Variants in TUSC3 observed in about 807,000 individuals in gnomAD.
The protein encoded by TUSC3 is dolichyl-diphosphooligosaccharide--protein glycosyltransferase subunit TUSC3.
In TUSC3, 45 loss-of-function variants were observed where a neutral mutation model predicts 44.8. The observed-to-expected ratio is 1.00, with a 90% confidence interval of 0.79 to 1.29. The LOEUF (loss-of-function observed/expected upper bound fraction) is 1.29. TUSC3 is among the 50% of genes most tolerant of loss of function. The pLI, the probability that TUSC3 is intolerant of heterozygous loss-of-function variation, is 0.00. For synonymous variants in TUSC3, 212 were observed against 152.9 expected, an observed-to-expected ratio of 1.39 and a Z score of -2.85; for missense variants, 519 against 437.9, an observed-to-expected ratio of 1.19 and a Z score of -1.65.
the TUSC3 span, among the ~76,000 whole-genome samples, chr8:15,774,579 G>C: frequency 6.6e-6 from 1 of 152,126 alleles, no homozygotes; most frequent in African/African-American, 2.4e-5. Context: ...TTAGTCTCCA[G>C]AACATTAAGA....
At chr8:15,461,695 T>C (rs2129121948) in intron 1 of TUSC3, among the ~76,000 whole-genome samples, 1 of 151,802 alleles carries the variant, frequency 6.6e-6, no homozygotes, top group East Asian at 1.9e-4. Context: ...TTTATTACAT[T>C]GAGTTACGTC....
chr8:15,694,863 A>C (rs1487472966), intron 6 of TUSC3, among the ~76,000 whole-genome samples: 1 of 152,186 alleles, frequency 6.6e-6, no homozygotes, highest in African/African-American at 2.4e-5. Flanking sequence ...AAAATGCTTC[A>C]TAGGAAGGTG....
At chr8:15,611,805 C>T (rs1804773653) in intron 1 of TUSC3, among the ~76,000 whole-genome samples, 1 of 152,002 alleles carries the variant, frequency 6.6e-6, no homozygotes, top group Non-Finnish European at 1.5e-5. Flanking sequence ...GCATTAATTG[C>T]CCTTTATATA....
chr8:15,486,204 T>C (rs1800730461), intron 2 of TUSC3, among the ~76,000 whole-genome samples: 1 of 152,214 alleles, frequency 6.6e-6, no homozygotes, highest in Non-Finnish European at 1.5e-5. Flanking sequence ...TTGTTATTTA[T>C]GCAGCTATTT....
chr8:15,581,968 G>T (rs1803369792), intron 1 of TUSC3, among the ~76,000 whole-genome samples: 1 of 151,140 alleles, frequency 6.6e-6, no homozygotes. Context: ...GAGATTCCGT[G>T]GGCGTAGGAC....
chr8:15,631,247 T>C (rs181222994), intron 2 of TUSC3, among the ~76,000 whole-genome samples: 34 of 152,328 alleles, frequency 2.2e-4, no homozygotes, highest in African/African-American at 6.7e-4. Context: ...TCTTATTTTT[T>C]ACATTGAAGG....
chr8:15,474,441 C>A (rs1800547771), intron 1 of TUSC3, among the ~76,000 whole-genome samples: 1 of 152,146 alleles, frequency 6.6e-6, no homozygotes, highest in Non-Finnish European at 1.5e-5. Context: ...TCCATGAAAT[C>A]TTCACAATTT....
intron 7 of TUSC3, among the ~76,000 whole-genome samples, chr8:15,731,928 G>T (rs1410081377): frequency 6.6e-6 from 1 of 152,072 alleles, no homozygotes; most frequent in Non-Finnish European, 1.5e-5. Flanking sequence ...TAGTGATTAC[G>T]GTATGGTGGG....
Position 15,476,387 on chromosome 8 carries a change from C to T in TUSC3, n.92-6999C>T, listed in dbSNP as rs185492656. The stretch of plus-strand genomic sequence containing the variant: ...GGTTTAAAGGATGTGCTGACTTTAA[C>T]ATACTTTTGGTCTTTTTATTTATCA... On this transcript the variant is annotated intron_variant and non_coding_transcript_variant, in intron 1 of 5. Transcript: ENST00000503191. Among the ~76,000 whole-genome samples the T allele has an allele frequency of 3.0e-3, 458 of 152,276 alleles. 3 individuals carry two copies. Among genetic ancestry groups the T allele is most frequent in the Non-Finnish European group, 4.9e-3 (336 of 68,020 alleles).
At chr8:15,658,639 T>TAC (rs57739356) in intron 3 of TUSC3, among the ~76,000 whole-genome samples, 2,492 of 148,616 alleles carry the variant, frequency 0.017, 62 homozygotes, top group African/African-American at 0.055. Flanking sequence ...CACATATATA[T>TAC]ACACACACAC....
At chr8:15,694,534 C>G (rs1376991910) in intron 6 of TUSC3, among the ~76,000 whole-genome samples, 1 of 151,254 alleles carries the variant, frequency 6.6e-6, no homozygotes, top group African/African-American at 2.4e-5. Flanking sequence ...AGAGTTCTTG[C>G]ACTGGATGTT....
At chr8:15,543,243 ATAT>A (rs3070877) in intron 1 of TUSC3, among the ~76,000 whole-genome samples, 38,545 of 152,006 alleles carry the variant, frequency 0.25, 6,047 homozygotes, top group Non-Finnish European at 0.34. Flanking sequence ...AATATAATAA[ATAT>A]TATTGACATA....
At chr8:15,746,610 A>G (rs1473128991) in intron 8 of TUSC3, among the ~76,000 whole-genome samples, 2 of 152,054 alleles carry the variant, frequency 1.3e-5, no homozygotes, top group African/African-American at 4.8e-5. Flanking sequence ...GTTCCACTGC[A>G]TAGGATCAAG....
At chr8:15,419,702 A>G (rs1799714380) in intron 1 of TUSC3, among the ~76,000 whole-genome samples, 2 of 152,216 alleles carry the variant, frequency 1.3e-5, no homozygotes, top group African/African-American at 2.4e-5. Context: ...AGAAGACAAG[A>G]GTATCTCTAT....
intron 2 of TUSC3, among the ~76,000 whole-genome samples, chr8:15,511,094 A>G (rs1801128941): frequency 6.6e-6 from 1 of 151,986 alleles, no homozygotes; most frequent in Non-Finnish European, 1.5e-5. Flanking sequence ...GACACCCCCC[A>G]AAAAACAAAA....
At chr8:15,610,607 G>A (rs1804718175) in intron 1 of TUSC3, among the ~76,000 whole-genome samples, 1 of 152,202 alleles carries the variant, frequency 6.6e-6, no homozygotes, top group South Asian at 2.1e-4. Context: ...TTCGGAAACA[G>A]TTGTTACTTC....
At chr8:15,768,633 G>C (rs1270246675), downstream of TUSC3, among the ~76,000 whole-genome samples, 1 of 152,114 alleles carries the variant, frequency 6.6e-6, no homozygotes, top group Admixed American at 6.6e-5. Flanking sequence ...AAAAAGGATA[G>C]GAACAGAGGA....
At chr8:15,620,621 T>C (rs1408933940) in intron 1 of TUSC3, among the ~76,000 whole-genome samples, 1 of 152,098 alleles carries the variant, frequency 6.6e-6, no homozygotes, top group African/African-American at 2.4e-5. Flanking sequence ...AGAGTATGCA[T>C]TCTTGTGTTT....
chr8:15,518,008 G>A (rs759214178), intron 2 of TUSC3, among the ~76,000 whole-genome samples: 35 of 150,788 alleles, frequency 2.3e-4, no homozygotes, highest in Middle Eastern at 3.5e-3. Flanking sequence ...ATACACATTC[G>A]CACCTGTTCC....
Sources: gnomAD v4.1 joint callset for allele counts (sites outside exome capture counted in the v4.1 genomes callset) on GRCh38, gnomAD v4.1.1 for gene constraint, MANE v1.5 for transcripts, NCBI Gene and HGNC (gene_info 2026-07-23, HGNC 2026-07-21) for gene names.